The following PLAC8L1 variants were observed in gnomAD, a reference collection of about 807,000 sequenced individuals.
PLAC8L1 encodes PLAC8-like protein 1.
PLAC8L1 carries 13 observed loss-of-function variants against 16.3 expected under a neutral mutation model. The observed-to-expected ratio is 0.80, with a 90% confidence interval of 0.52 to 1.27. PLAC8L1 has a LOEUF of 1.27. Ranked by LOEUF, PLAC8L1 falls within the 50% of genes most tolerant of loss-of-function variation. PLAC8L1 has a pLI of 0.00. For missense variants in PLAC8L1, 184 were observed against 220.2 expected (o/e 0.84, Z 1.04); for synonymous variants, 78 against 79.3 (o/e 0.98, Z 0.09).
chr5:146,102,139 T>G (rs1763831259), intron 1 of PLAC8L1, among the ~76,000 whole-genome samples: 1 of 147,974 alleles, frequency 6.8e-6, no homozygotes, highest in African/African-American at 2.5e-5. Context: ...CTCTGCAACC[T>G]CGAACTCCTG....
At chr5:146,084,677 A>C in intron 3 of PLAC8L1, 105 bp from the exon 4 acceptor site, 1 of 1,430,904 alleles carries the variant, frequency 7.0e-7, no homozygotes, top group Non-Finnish European at 9.4e-7. Flanking sequence ...ACAGCTTCCA[A>C]GGTTCACCAA....
intron 3 of PLAC8L1, among the ~76,000 whole-genome samples, chr5:146,085,210 G>A (rs116345813): frequency 1.4e-3 from 217 of 152,246 alleles, no homozygotes; most frequent in Admixed American, 2.4e-3. Context: ...TTGAGGGCAG[G>A]ACTTTGAGAA....
At chr5:146,089,818 A>T (rs1763582054) in intron 2 of PLAC8L1, among the ~76,000 whole-genome samples, 1 of 150,118 alleles carries the variant, frequency 6.7e-6, no homozygotes, top group African/African-American at 2.5e-5. Flanking sequence ...AGCTCACTGC[A>T]ACCTCCACCT....
intron 1 of PLAC8L1, among the ~76,000 whole-genome samples, chr5:146,100,152 T>C (rs899341194): frequency 1.3e-5 from 2 of 152,136 alleles, no homozygotes; most frequent in Non-Finnish European, 2.9e-5. Flanking sequence ...TAGGTGGCGA[T>C]GTCAACGCAA....
At chr5:146,089,814 C>T (rs562258676) in intron 2 of PLAC8L1, among the ~76,000 whole-genome samples, 2 of 151,168 alleles carry the variant, frequency 1.3e-5, no homozygotes, top group Admixed American at 6.6e-5. Flanking sequence ...TCTCAGCTCA[C>T]TGCAACCTCC....
chr5:146,084,353 A>C lies in PLAC8L1; in HGVS notation c.*79T>G, dbSNP rs1763468918. Reference sequence around the variant, plus strand: ...TTATTTTCATACCATTTCAGTAAAAACTTAGGAAAAAGCAATTGTTCCACT... The same window carrying C: ...TTATTTTCATACCATTTCAGTAAAACCTTAGGAAAAAGCAATTGTTCCACT... On this transcript the variant is annotated 3_prime_UTR_variant, in exon 4 of 4. Coordinates refer to ENST00000311450, the MANE Select transcript of PLAC8L1 (RefSeq NM_001029869.3). 6.6e-7 allele frequency: 1 copy of C among 1,506,770 alleles called. No individual in the cohort carries two copies. Among genetic ancestry groups the C allele is most frequent in the African/African-American group, 1.4e-5 (1 of 71,902 alleles). 93.3% of individuals were successfully genotyped at this position (1,506,770 alleles called of 1,614,324 possible).
chr5:146,099,043 T>G (rs1763764450), intron 1 of PLAC8L1, among the ~76,000 whole-genome samples: 1 of 152,198 alleles, frequency 6.6e-6, no homozygotes, highest in Non-Finnish European at 1.5e-5. Context: ...TGGCTGGGCT[T>G]CAAAAGCGAG....
intron 2 of PLAC8L1, among the ~76,000 whole-genome samples, chr5:146,088,442 C>A (rs1045616360): frequency 3.9e-5 from 6 of 152,120 alleles, no homozygotes; most frequent in Admixed American, 6.5e-5. Context: ...CTCTGGCTAC[C>A]CCTTGTTCTC....
At chr5:146,101,352 C>T (rs1763814388) in intron 1 of PLAC8L1, among the ~76,000 whole-genome samples, 1 of 152,174 alleles carries the variant, frequency 6.6e-6, no homozygotes, top group Admixed American at 6.5e-5. Flanking sequence ...TCTCAGACTT[C>T]CATTCTCCAG....
At chr5:146,099,322 G>C (rs1302796488) in intron 1 of PLAC8L1, 1 of 152,174 alleles carries the variant, frequency 6.6e-6, no homozygotes, top group African/African-American at 2.4e-5. Flanking sequence ...GAAAGAGCCT[G>C]CCTCATAGTT....
chr5:146,088,567 A>G (rs572884429), intron 2 of PLAC8L1, among the ~76,000 whole-genome samples: 1 of 152,282 alleles, frequency 6.6e-6, no homozygotes, highest in East Asian at 1.9e-4. Flanking sequence ...TCAGCTTCAA[A>G]TAGTGGATGA....
chr5:146,085,512 A>G lies in PLAC8L1; in HGVS notation c.342T>C (p.Pro114=). The G allele has an allele frequency of 1.9e-6, 3 of 1,614,212 alleles. No homozygotes were observed. The highest frequency in any genetic ancestry group is 2.5e-6 in the Non-Finnish European group (3 of 1,180,044). ...YGECLCWPLL[P]GSTFALRIGT... is the part of the protein sequence containing the mutation. ...CAATTCTCAGTGCAAAGGTGGACCC[A>G]GGTAACAACGGCCAACAAAGACACT... Residue 114 remains proline (P), a synonymous_variant, in exon 3 of 4, where the codon CCT becomes CCC. Coordinates refer to ENST00000311450, the MANE Select transcript of PLAC8L1 (RefSeq NM_001029869.3).
chr5:146,094,740 G>A (rs1580977057), intron 2 of PLAC8L1, among the ~76,000 whole-genome samples: 1 of 152,192 alleles, frequency 6.6e-6, no homozygotes, highest in Non-Finnish European at 1.5e-5. Context: ...ACAGAGGTGG[G>A]AAGAAGGAAG....
At chr5:146,095,683 T>C (rs1763706564) in intron 2 of PLAC8L1, among the ~76,000 whole-genome samples, 1 of 152,158 alleles carries the variant, frequency 6.6e-6, no homozygotes. Flanking sequence ...TTTAGGAAAT[T>C]ATCCCTTCCT....
intron 2 of PLAC8L1, among the ~76,000 whole-genome samples, chr5:146,088,233 A>G (rs182983885): frequency 2.6e-5 from 4 of 152,296 alleles, no homozygotes. Flanking sequence ...AAGTACTGGG[A>G]TTACAAGCAT....
Position 146,104,423 on chromosome 5 carries a change from T to C in PLAC8L1, c.-112A>G. ...AAACATCTCTTGAAAGAATGTTCCC[T>C]TAATATTCTGGAACCTGAGGTCATA... On this transcript the variant is annotated 5_prime_UTR_variant, in exon 1 of 4. Transcript: ENST00000311450. The C allele has an allele frequency of 2.3e-6, 2 of 887,464 alleles. No homozygotes were observed. The highest frequency in any genetic ancestry group is 3.7e-6 in the Non-Finnish European group (2 of 538,164). 55.0% of individuals were successfully genotyped at this position (887,464 alleles called of 1,614,324 possible). A position where few individuals can be genotyped will look rare whatever the true frequency, so the allele number is the denominator to read the frequency against.
chr5:146,099,681 A>AC (rs1763778653), intron 1 of PLAC8L1, among the ~76,000 whole-genome samples: 1 of 146,172 alleles, frequency 6.8e-6, no homozygotes, highest in African/African-American at 2.5e-5. Flanking sequence ...AAAAAAAAAA[A>AC]AGTTGTTGCA....
At chr5:146,103,450 C>T (rs564065389) in intron 1 of PLAC8L1, among the ~76,000 whole-genome samples, 4 of 152,116 alleles carry the variant, frequency 2.6e-5, no homozygotes, top group South Asian at 2.1e-4. Context: ...TGAGCCACTG[C>T]GCCTGGCCTC....
chr5:146,095,933 A>G (rs1763711748), intron 2 of PLAC8L1, among the ~76,000 whole-genome samples: 1 of 152,224 alleles, frequency 6.6e-6, no homozygotes, highest in Non-Finnish European at 1.5e-5. Flanking sequence ...TCCGGGAGCT[A>G]TCCCATGGCC....
Sources: gnomAD v4.1 joint callset for allele counts (sites outside exome capture counted in the v4.1 genomes callset) on GRCh38, gnomAD v4.1.1 for gene constraint, MANE v1.5 for transcripts, NCBI Gene and HGNC (gene_info 2026-07-23, HGNC 2026-07-21) for gene names.